STING1: variants seen among roughly 807,000 people sequenced by gnomAD.
STING1 encodes the protein stimulator of interferon response cGAMP interactor 1.
Under a neutral mutation model 31.6 loss-of-function variants are expected in STING1, and 19 were observed. The ratio of observed to expected loss-of-function variants is 0.60; its 90% CI spans 0.42 to 0.88. The LOEUF (loss-of-function observed/expected upper bound fraction) is 0.88, where lower values mean the gene tolerates loss of function less well. Ranked by LOEUF, STING1 falls within the 40% of genes least tolerant of loss-of-function variation. The pLI, the probability that STING1 is intolerant of heterozygous loss-of-function variation, is 0.00. For missense variants in STING1, 371 were observed against 483.7 expected, an observed-to-expected ratio of 0.77 and a Z score of 2.19; for synonymous variants, 200 against 208.6, an observed-to-expected ratio of 0.96 and a Z score of 0.35.
In STING1 at chr5:139,476,207, C is replaced by A; in HGVS notation, c.*54G>T. 1.4e-6 allele frequency: 2 copies of A among 1,396,590 alleles called. No homozygotes were observed. Among genetic ancestry groups the A allele is most frequent in the East Asian group, 2.5e-5 (1 of 39,978 alleles). The allele number at this position is 1,396,590 out of a possible 1,614,324, so 86.5% of individuals were successfully genotyped here. On this transcript the variant is annotated 3_prime_UTR_variant, in exon 8 of 8. Coordinates refer to ENST00000330794, the MANE Select transcript of STING1 (RefSeq NM_198282.4). ...GGACATTCAGCCACTGAAGAGAGCC[C>A]CCAGTCCAGAGGCTTGGAGACCACT...
Position 139,481,353 on chromosome 5 carries a change from C to A in STING1, c.228-11G>T. 6.3e-7 allele frequency: 1 copy of A among 1,584,034 alleles called. No individual in the cohort carries two copies. The highest frequency in any genetic ancestry group is 8.6e-7 in the Non-Finnish European group (1 of 1,163,812). On this transcript the variant is annotated splice_polypyrimidine_tract_variant and intron_variant, in intron 3 of 7. Transcript: ENST00000330794. This position sits in a 1 kb window ranked among gnomAD's most constrained non-coding sequence, Gnocchi z 4.1. ...TAGCTGCCCCGGTACCTGTGAGTGA[C>A]AGCCAGACCCCAGACCCCAGCCCCC...
In STING1 at chr5:139,481,729, C is replaced by A; in HGVS notation, c.1-25G>T. 1 of 1,569,872 alleles carries A rather than the reference C, an allele frequency of 6.4e-7. No homozygotes were observed. Among genetic ancestry groups the A allele is most frequent in the Non-Finnish European group, 8.7e-7 (1 of 1,147,200 alleles). ...TCTGTGGGCACCAAGAAATCCATGACCATTCTCCCCTTGCCCTCCTGCCCT... is the reference window on the plus strand; with the variant it reads ...TCTGTGGGCACCAAGAAATCCATGAACATTCTCCCCTTGCCCTCCTGCCCT... On this transcript the variant is annotated intron_variant, in intron 2 of 7. Transcript: ENST00000330794. The surrounding 1 kb of genome is among the most constrained non-coding windows in gnomAD (Gnocchi z 4.1).
chr5:139,480,963 C>T (rs1314012534), intron 4 of STING1, 65 bp from the exon 5 acceptor site: 15 of 1,351,654 alleles, frequency 1.1e-5, no homozygotes, highest in Admixed American at 7.3e-5. Flanking sequence ...CCTCCTCCTC[C>T]TCCAAGGCTT....
Position 139,480,895 on chromosome 5 carries a change from G to A in STING1, c.415C>T (p.Leu139=), listed in dbSNP as rs767889751. ...ACTGCAGAGATCTCAGCTGGGGCCA[G>A]GCCCTGTGGACAGCAGGATGTGGCT... ...ALNILLGLKG[L]APAEISAVCE... The change falls in exon 5 of 8, where the codon CTG becomes TTG. Residue 139 remains leucine (L), a synonymous_variant. Transcript: ENST00000330794. 6.2e-7 allele frequency: 1 copy of A among 1,612,910 alleles called. No homozygotes were observed. Among genetic ancestry groups the A allele is most frequent in the South Asian group, 1.1e-5 (1 of 91,014 alleles).
chr5:139,477,097 A>C (rs992134091), intron 7 of STING1, among the ~76,000 whole-genome samples: 3 of 152,066 alleles, frequency 2.0e-5, no homozygotes, highest in Non-Finnish European at 4.4e-5. Context: ...CTGGAATCCT[A>C]GATGAAGTGA....
At chr5:139,477,215 G>T (rs1751688524) in intron 7 of STING1, 114 bp downstream of exon 7, 3 of 1,118,254 alleles carry the variant, frequency 2.7e-6, no homozygotes, top group Non-Finnish European at 3.9e-6. Flanking sequence ...GGGAAGGAAG[G>T]ACAGGCCCAG....
chr5:139,478,390 A>T lies in STING1; in HGVS notation c.639T>A (p.Ser213Arg), dbSNP rs1751727217. The change falls in exon 6 of 8, where the codon AGT becomes AGA. Residue 213 changes from serine (S) to arginine (R), a missense_variant. By Grantham distance (110) the Ser-to-Arg change is moderately radical. Coordinates refer to ENST00000330794, the MANE Select transcript of STING1 (RefSeq NM_198282.4). ...GGAAGCGAATGTTGGGGTCAGCCAT[A>T]CTCAGGTTATCAGGCACCCCACAGT... Reference protein sequence around the residue: ...PLDCGVPDNLSMADPNIRFLD... With the variant: ...PLDCGVPDNLRMADPNIRFLD... 6.2e-7 allele frequency: 1 copy of T among 1,614,092 alleles called. No homozygotes were observed. Among genetic ancestry groups the T allele is most frequent in the Non-Finnish European group, 8.5e-7 (1 of 1,179,998 alleles).
At chr5:139,476,539 C>A in intron 7 of STING1, 85 bp from the exon 8 acceptor site, 1 of 1,200,100 alleles carries the variant, frequency 8.3e-7, no homozygotes. Context: ...TGGGAAGATC[C>A]CCTAACCCTC....
intron 5 of STING1, among the ~76,000 whole-genome samples, chr5:139,479,911 A>G (rs988547724): frequency 6.9e-6 from 1 of 144,346 alleles, no homozygotes; most frequent in African/African-American, 2.5e-5. Flanking sequence ...AATTCCAGCT[A>G]CTTGGGAGGC....
At chr5:139,480,454 G>A (rs1037001850) in intron 5 of STING1, among the ~76,000 whole-genome samples, 5 of 152,132 alleles carry the variant, frequency 3.3e-5, no homozygotes, top group Non-Finnish European at 7.3e-5. Flanking sequence ...CCTGAGCCAG[G>A]ATAATCACTT....
At position 139,476,410 on chromosome 5, in the gene STING1, G is replaced by A. The variant is rs777366618; in HGVS notation, c.991C>T (p.Arg331Trp). The stretch of plus-strand genomic sequence containing the variant: ...TCCTTTTCCTCCTGCCGCAGGTGCC[G>A]GAGAACCTCCTGGGACAGCGAGAAG... ...SSFSLSQEVL[R>W]HLRQEEKEEV... The change falls in exon 8 of 8, where the codon CGG becomes TGG. Residue 331 changes from arginine to tryptophan, a missense_variant. Transcript: ENST00000330794. 9.9e-6 allele frequency: 16 copies of A among 1,612,468 alleles called. No individual in the cohort carries two copies. Among genetic ancestry groups the A allele is most frequent in the South Asian group, 6.6e-5 (6 of 90,998 alleles).
rs533432442 is a variant in STING1 at position 139,477,177 on chromosome 5, G to A, written c.946+152C>T. The A allele has an allele frequency of 9.8e-6, 8 of 814,328 alleles. No homozygotes were observed. The East Asian group carries it at 2.0e-4, about 21-fold the overall frequency. The allele number at this position is 814,328 out of a possible 1,614,324, so 50.4% of individuals were successfully genotyped here. On this transcript the variant is annotated intron_variant, in intron 7 of 7. Transcript: ENST00000330794. ...AGTCAAAGACCTAAAAAGCAATCTG[G>A]TGTGCTGGGAAGAGGGGGCTTCTCC...
chr5:139,480,983 C>A, intron 4 of STING1, 85 bp from the exon 5 acceptor site: 1 of 1,241,348 alleles, frequency 8.1e-7, no homozygotes, highest in South Asian at 1.2e-5. Context: ...TCCCAACCTG[C>A]TCCTGACTTG....
rs766079687 is a variant in STING1, at chr5:139,478,309, G to A, written c.720C>T (p.Tyr240=). ...CCAGAAGCTCATAGATGCTGTTGCT[G>A]TAAACCCGATCCTTGATGCCAGCAT... ...GDHAGIKDRV[Y]SNSIYELLEN... The change falls in exon 6 of 8, where the codon TAC becomes TAT. Residue 240 remains tyrosine, a synonymous_variant. Coordinates refer to ENST00000330794, the MANE Select transcript of STING1 (RefSeq NM_198282.4). The A allele has an allele frequency of 8.7e-6, 14 of 1,613,996 alleles. No individual in the cohort carries two copies. Among genetic ancestry groups the A allele is most frequent in the Admixed American group, 8.3e-5 (5 of 59,984 alleles).
rs778582118 is a variant in STING1 at position 139,477,419 on chromosome 5, C to T, written c.856G>A (p.Glu286Lys). The change falls in exon 7 of 8, where the codon GAG (glutamate) becomes AAG (lysine). Residue 286 changes from glutamate (E) to lysine (K), a missense_variant. Physicochemically the swap from Glu to Lys is moderately conservative, Grantham distance 56. Transcript: ENST00000330794. Reference sequence around the variant, plus strand: ...GTCCGGCAGAAGAGTTTGGCCTGCTCAAGCCTATCCTCCCGGCTAAAGCCA... The same window carrying T: ...GTCCGGCAGAAGAGTTTGGCCTGCTTAAGCCTATCCTCCCGGCTAAAGCCA... ...QAGFSREDRL[E>K]QAKLFCRTLE... 5.0e-6 allele frequency: 8 copies of T among 1,614,108 alleles called. No individual in the cohort carries two copies. In the Admixed American group the frequency reaches 6.7e-5, roughly 13 times the overall value.
At chr5:139,476,734 G>A (rs1007435612) in intron 7 of STING1, among the ~76,000 whole-genome samples, 5 of 151,896 alleles carry the variant, frequency 3.3e-5, no homozygotes, top group Non-Finnish European at 5.9e-5. Context: ...ATGAAACCCC[G>A]TCTCTACTAA....
At chr5:139,482,144 AC>A in intron 2 of STING1, 65 bp downstream of exon 2, 1 of 154,366 alleles carries the variant, frequency 6.5e-6, no homozygotes, top group Non-Finnish European at 1.4e-5. Flanking sequence ...GCCAGCAGGC[AC>A]CCCCTCGCCT....
chr5:139,477,806 T>A (rs1423994127), intron 6 of STING1, among the ~76,000 whole-genome samples: 1 of 152,228 alleles, frequency 6.6e-6, no homozygotes, highest in Non-Finnish European at 1.5e-5. Context: ...CTGCTCCAGC[T>A]GGGAATCAGG....
chr5:139,476,435 G>A lies in STING1; in HGVS notation c.966C>T (p.Ser322=), dbSNP rs1751663376. The A allele has an allele frequency of 6.2e-7, 1 of 1,612,192 alleles. No homozygotes were observed. Among genetic ancestry groups the A allele is most frequent in the African/African-American group, 1.3e-5 (1 of 74,844 alleles). ...IAYQEPADDS[S]FSLSQEVLRH... is the part of the protein sequence containing the mutation. ...GGAGAACCTCCTGGGACAGCGAGAA[G>A]CTGCTGTCATCTGCAGGTTCTGGAA... is the stretch of plus-strand genomic sequence containing the variant. Residue 322 remains serine, a synonymous_variant, in exon 8 of 8, where the codon AGC becomes AGT. Transcript: ENST00000330794.
Sources: gnomAD v4.1 joint callset for allele counts (sites outside exome capture counted in the v4.1 genomes callset) on GRCh38, gnomAD v4.1.1 for gene constraint, Gnocchi (gnomAD v3.1) non-coding constraint, MANE v1.5 for transcripts, NCBI Gene and HGNC (gene_info 2026-07-23, HGNC 2026-07-21) for gene names.